The following SLC11A1 variants were observed in gnomAD, a reference collection of about 807,000 sequenced individuals.
The protein encoded by SLC11A1 is natural resistance-associated macrophage protein 1.
A neutral mutation model predicts 63.2 loss-of-function variants in SLC11A1; 59 were observed. The observed-to-expected ratio is 0.93, with a 90% CI of 0.76 to 1.16. The LOEUF (loss-of-function observed/expected upper bound fraction) is 1.16. Among genes scored for constraint, SLC11A1 ranks in the 50% most tolerant of loss-of-function variants. The pLI, the probability that SLC11A1 is intolerant of heterozygous loss-of-function variation, is 0.00. For synonymous variants in SLC11A1, 305 were observed against 307.8 expected (o/e 0.99, Z 0.09); for missense variants, 688 against 730.7 (o/e 0.94, Z 0.67).
At chr2:218,391,350 C>T (rs772535211) in intron 10 of SLC11A1, 26 bp from the exon 11 acceptor site, 14 of 1,613,872 alleles carry the variant, frequency 8.7e-6, no homozygotes, top group South Asian at 4.4e-5. Flanking sequence ...GCAGGGCCAC[C>T]GGTCCTACCA....
At position 218,396,578 on chromosome 2, in the gene SLC11A1, C is replaced by A. The variant is rs955696033; in HGVS notation, c.*1543C>A. On this transcript the variant is annotated 3_prime_UTR_variant, in exon 15 of 15. Transcript: ENST00000233202. ...TAAAAGGGCAACGATGCGAGTGGGT[C>A]CCTCAAGGAGAGAAGAGATGGGACC... The A allele has an allele frequency of 6.6e-6, 1 of 152,432 alleles. No homozygotes were observed. The highest frequency in any genetic ancestry group is 6.5e-5 in the Admixed American group (1 of 15,284). The allele number at this position is 152,432 out of a possible 1,614,324, so 9.4% of individuals were successfully genotyped here.
intron 9 of SLC11A1, 29 bp downstream of exon 9, chr2:218,390,057 G>A: frequency 6.3e-7 from 1 of 1,595,168 alleles, no homozygotes; most frequent in Non-Finnish European, 8.5e-7. Flanking sequence ...CGCACCTGAG[G>A]CCACACACGT....
chr2:218,386,961 C>G (rs901736642), intron 5 of SLC11A1, 199 bp from the exon 6 acceptor site: 1 of 647,674 alleles, frequency 1.5e-6, no homozygotes, highest in Non-Finnish European at 2.8e-6. Flanking sequence ...CCCTGCTGCG[C>G]CGGGTGCCAG....
chr2:218,385,314 A>C, intron 4 of SLC11A1, 48 bp downstream of exon 4: 1 of 1,612,716 alleles, frequency 6.2e-7, no homozygotes, highest in South Asian at 1.1e-5. Context: ...CCCAAACCCC[A>C]AACAGCCATT....
At chr2:218,394,591 G>A (rs1196823920) in intron 13 of SLC11A1, 41 bp from the exon 14 acceptor site, 1 of 1,601,490 alleles carries the variant, frequency 6.2e-7, no homozygotes, top group Admixed American at 1.7e-5. Context: ...AGGTGGGCCA[G>A]CAGCAACCAG....
intron 9 of SLC11A1, among the ~76,000 whole-genome samples, chr2:218,390,718 C>T (rs17228995): frequency 0.22 from 32,946 of 152,180 alleles, 4,030 homozygotes; most frequent in Middle Eastern, 0.32. Context: ...CCCTTGTCTT[C>T]AAGACCAGGC....
chr2:218,394,832 A>T, intron 14 of SLC11A1, 47 bp downstream of exon 14: 1 of 1,609,078 alleles, frequency 6.2e-7, no homozygotes, highest in Non-Finnish European at 8.5e-7. Flanking sequence ...AGGGAAGGAC[A>T]AGAGGCAACC....
intron 1 of SLC11A1, 67 bp downstream of exon 1, chr2:218,382,442 G>A (rs1695857489): frequency 2.5e-6 from 4 of 1,570,804 alleles, no homozygotes; most frequent in Admixed American, 1.7e-5. Flanking sequence ...CTAGGCTGGT[G>A]GAGACTTGAG....
At chr2:218,382,452 G>T in intron 1 of SLC11A1, 77 bp downstream of exon 1, 1 of 1,550,994 alleles carries the variant, frequency 6.4e-7, no homozygotes, top group Non-Finnish European at 8.9e-7. Context: ...GGAGACTTGA[G>T]GAAGCAAGAA....
intron 8 of SLC11A1, 108 bp from the exon 9 acceptor site, chr2:218,389,762 A>G (rs1696321193): frequency 1.7e-6 from 2 of 1,154,934 alleles, no homozygotes; most frequent in South Asian, 3.2e-5. Flanking sequence ...CACGCAGGGG[A>G]CTTAAGAAGG....
rs1239427306 is a variant in SLC11A1, at chr2:218,387,963, G to A, written c.795+8G>A. ...CACTCGGCCCTGGTCAAGGTGAGCA[G>A]AGGGGAGGGGAAAGGAGACCCCCTC... On this transcript the variant is annotated splice_region_variant and intron_variant, in intron 8 of 14. Coordinates refer to ENST00000233202, the MANE Select transcript of SLC11A1 (RefSeq NM_000578.4). The A allele has an allele frequency of 6.3e-7, 1 of 1,593,108 alleles. No homozygotes were observed. Among genetic ancestry groups the A allele is most frequent in the Admixed American group, 1.7e-5 (1 of 58,228 alleles).
chr2:218,393,076 C>T lies in SLC11A1; in HGVS notation c.1260C>T (p.Asp420=). 6.3e-7 allele frequency: 1 copy of T among 1,597,984 alleles called. No homozygotes were observed. Among genetic ancestry groups the T allele is most frequent in the South Asian group, 1.1e-5 (1 of 89,378 alleles). ...CCGTGCTCGTGGCTGTCTTCCGGGA[C>T]CTGAGGGACTTGTCGGGCCTCAATG... ...LPTVLVAVFR[D]LRDLSGLNDL... The change falls in exon 12 of 15, where the codon GAC becomes GAT. Residue 420 remains aspartate, a synonymous_variant. Coordinates refer to ENST00000233202, the MANE Select transcript of SLC11A1 (RefSeq NM_000578.4).
At position 218,382,989 on chromosome 2, in the gene SLC11A1, T is replaced by G. The variant is rs756118384; in HGVS notation, c.37T>G (p.Ser13Ala). Residue 13 changes from serine (S) to alanine (A), a missense_variant, in exon 2 of 15, where the codon TCC becomes GCC. Transcript: ENST00000233202. ...CAAGGGTCCCCAAAGGCTAAGCGGG[T>G]CCAGCTATGGTTCCATCTCCAGCCC... is the stretch of plus-strand genomic sequence containing the variant. The part of the protein sequence containing the change: ...GDKGPQRLSG[S>A]SYGSISSPTS... 6.2e-7 allele frequency: 1 copy of G among 1,613,958 alleles called. No individual in the cohort carries two copies. Among genetic ancestry groups the G allele is most frequent in the East Asian group, 2.2e-5 (1 of 44,836 alleles).
Position 218,384,142 on chromosome 2 carries a change from C to T in SLC11A1, c.151-101C>T. On this transcript the variant is annotated intron_variant, in intron 2 of 14. Coordinates refer to ENST00000233202, the MANE Select transcript of SLC11A1 (RefSeq NM_000578.4). This position sits in a 1 kb window ranked among gnomAD's most constrained non-coding sequence, Gnocchi z 4.0. ...ATGGGCCATGGAGGGCAGGGCTGGG[C>T]TGATGAGCCTGTTGGGGCTCCTCTA... is the stretch of plus-strand genomic sequence containing the variant. 7.6e-7 allele frequency: 1 copy of T among 1,318,374 alleles called. No individual in the cohort carries two copies. The highest frequency in any genetic ancestry group is 1.7e-5 in the South Asian group (1 of 59,824). 81.7% of individuals were successfully genotyped at this position (1,318,374 alleles called of 1,614,324 possible). A position where few individuals can be genotyped will look rare whatever the true frequency, so the allele number is the denominator to read the frequency against.
chr2:218,393,049 C>A lies in SLC11A1; in HGVS notation c.1233C>A (p.Pro411=). The change falls in exon 12 of 15, where the codon CCC becomes CCA. Residue 411 remains proline (P), a synonymous_variant. Coordinates refer to ENST00000233202, the MANE Select transcript of SLC11A1 (RefSeq NM_000578.4). ...TCACCCGCTCCTGCGCCATCCTGCC[C>A]ACCGTGCTCGTGGCTGTCTTCCGGG... ...VLLTRSCAIL[P]TVLVAVFRDL... 1 of 1,600,480 alleles carries A rather than the reference C, an allele frequency of 6.2e-7. No homozygotes were observed. The highest frequency in any genetic ancestry group is 1.1e-5 in the South Asian group (1 of 89,548).
chr2:218,389,134 C>A (rs777386187), intron 8 of SLC11A1, among the ~76,000 whole-genome samples: 1 of 125,376 alleles, frequency 8.0e-6, no homozygotes, highest in Non-Finnish European at 1.7e-5. Context: ...ATAATAATTG[C>A]GAAAGGGACT....
Position 218,395,302 on chromosome 2 carries a change from A to ACAAG in SLC11A1, c.*270_*271insGCAA. 1 of 437,682 alleles carries ACAAG rather than the reference A, an allele frequency of 2.3e-6. No individual in the cohort carries two copies. Among genetic ancestry groups the ACAAG allele is most frequent in the South Asian group, 3.3e-5 (1 of 30,380 alleles). The allele number at this position is 437,682 out of a possible 1,614,324, so 27.1% of individuals were successfully genotyped here. On this transcript the variant is annotated 3_prime_UTR_variant, in exon 15 of 15. Transcript: ENST00000233202. The stretch of plus-strand genomic sequence containing the variant: ...TGTCTGGCACTTGGGACAAAAACAA[A>ACAAG]CAAACGAAAAACATTTCAAAAGGTA...
chr2:218,390,319 T>G (rs537997351), intron 9 of SLC11A1, among the ~76,000 whole-genome samples: 79 of 119,896 alleles, frequency 6.6e-4, no homozygotes, highest in African/African-American at 8.3e-4. Context: ...AAGTACAGAG[T>G]GGGAAGAAAT....
chr2:218,392,272 C>A (rs772546489), intron 11 of SLC11A1: 4 of 227,942 alleles, frequency 1.8e-5, no homozygotes. Flanking sequence ...CCATGTTGGT[C>A]AGGGTGGTCT....
Sources: allele counts gnomAD v4.1 joint callset (sites outside exome capture counted in the v4.1 genomes callset), GRCh38; gene constraint gnomAD v4.1.1; non-coding constraint Gnocchi (gnomAD v3.1); transcripts MANE v1.5; gene names NCBI Gene and HGNC (gene_info 2026-07-23, HGNC 2026-07-21).